Variants in SYT16 observed in about 807,000 individuals in gnomAD.
The protein encoded by SYT16 is synaptotagmin-16.
A neutral mutation model predicts 61.4 loss-of-function variants in SYT16; 42 were observed. The ratio of observed to expected loss-of-function variants is 0.68; its 90% confidence interval spans 0.53 to 0.89. SYT16 has a LOEUF of 0.89. SYT16 is among the 40% of genes least tolerant of loss of function. SYT16 has a pLI of 0.00. For synonymous variants in SYT16, 314 were observed against 302.3 expected (o/e 1.04, Z -0.40); for missense variants, 804 against 807.3 (o/e 1.00, Z 0.05).
intron 1 of SYT16, among the ~76,000 whole-genome samples, chr14:61,924,071 T>A (rs916309142): frequency 6.6e-6 from 1 of 152,182 alleles, no homozygotes; most frequent in Non-Finnish European, 1.5e-5. Context: ...ATGGAGACAC[T>A]GAAATTATTT....
intron 2 of SYT16, among the ~76,000 whole-genome samples, chr14:61,989,249 T>C (rs2052446294): frequency 6.6e-6 from 1 of 152,158 alleles, no homozygotes; most frequent in African/African-American, 2.4e-5. Flanking sequence ...GAATACCTGA[T>C]GTTGAGTGCC....
chr14:62,064,351 A>AAAG (rs1351026154), intron 3 of SYT16, among the ~76,000 whole-genome samples: 1 of 150,556 alleles, frequency 6.6e-6, no homozygotes, highest in African/African-American at 2.4e-5. Context: ...AAAAAAAAAA[A>AAAG]AAAAAAAGAA....
intron 6 of SYT16, among the ~76,000 whole-genome samples, chr14:62,082,317 C>T (rs1399513313): frequency 2.0e-5 from 3 of 152,154 alleles, no homozygotes; most frequent in Non-Finnish European, 4.4e-5. Context: ...TCAAAATTAA[C>T]GTCTTCAGGC....
chr14:61,875,846 G>A (rs1192433968), intron 1 of SYT16, among the ~76,000 whole-genome samples: 2 of 152,190 alleles, frequency 1.3e-5, no homozygotes, highest in African/African-American at 2.4e-5. Context: ...ACTGGGGTGC[G>A]TATGTCTGAT....
At position 61,995,865 on chromosome 14, in the gene SYT16, C is replaced by T. The variant is rs1446655198; in HGVS notation, c.-144-11C>T. 1 of 717,190 alleles carries T rather than the reference C, an allele frequency of 1.4e-6. No homozygotes were observed. Among genetic ancestry groups the T allele is most frequent in the Non-Finnish European group, 2.2e-6 (1 of 461,066 alleles). 44.4% of individuals were successfully genotyped at this position (717,190 alleles called of 1,614,324 possible). Reference sequence around the variant, plus strand: ...TTTAACAGGTGTAAGTATTTCTTTCCTCTGTTTCAGCTGGAAGTTTTGAGA... The same window carrying T: ...TTTAACAGGTGTAAGTATTTCTTTCTTCTGTTTCAGCTGGAAGTTTTGAGA... On this transcript the variant is annotated splice_polypyrimidine_tract_variant and intron_variant, in intron 2 of 7. Coordinates refer to ENST00000683842, the MANE Select transcript of SYT16 (RefSeq NM_001367656.1).
intron 1 of SYT16, among the ~76,000 whole-genome samples, chr14:61,891,135 A>G (rs1328974352): frequency 1.3e-5 from 2 of 152,000 alleles, no homozygotes; most frequent in Non-Finnish European, 2.9e-5. Context: ...TTGGCTCTAG[A>G]GAAAGCCAGA....
chr14:62,045,699 G>A lies in SYT16; in HGVS notation c.524-23904G>A, dbSNP rs534476447. Among the ~76,000 whole-genome samples, 15 of 152,006 alleles carry A rather than the reference G, an allele frequency of 9.9e-5. 1 individual carries two copies. Among genetic ancestry groups the A allele is most frequent in the South Asian group, 4.1e-4 (2 of 4,824 alleles). The stretch of plus-strand genomic sequence containing the variant: ...TTCCCACCTATGAGTGAGAACATGC[G>A]GTGTTTGGTTTTTTGTCCTTGCAAT... On this transcript the variant is annotated intron_variant, in intron 3 of 7. Transcript: ENST00000683842.
chr14:61,959,922 C>T (rs932289771), intron 1 of SYT16, among the ~76,000 whole-genome samples: 1 of 151,954 alleles, frequency 6.6e-6, no homozygotes, highest in African/African-American at 2.4e-5. Context: ...CCTTGACCTC[C>T]TAGGCTCAAG....
chr14:62,049,357 A>G (rs1328617027), intron 3 of SYT16, among the ~76,000 whole-genome samples: 1 of 151,750 alleles, frequency 6.6e-6, no homozygotes, highest in Admixed American at 6.6e-5. Flanking sequence ...CTTTATTTTG[A>G]GCATATATGT....
At chr14:61,939,095 A>G (rs974017229) in intron 1 of SYT16, among the ~76,000 whole-genome samples, 23 of 152,230 alleles carry the variant, frequency 1.5e-4, no homozygotes, top group Admixed American at 5.2e-4. Context: ...AGATCGTGCC[A>G]CTGCACTCCA....
chr14:62,056,964 G>A (rs1194295759), intron 3 of SYT16, among the ~76,000 whole-genome samples: 3 of 152,170 alleles, frequency 2.0e-5, no homozygotes, highest in Non-Finnish European at 4.4e-5. Context: ...AGGCATGAAA[G>A]TCAGACGTGT....
At chr14:61,864,477 C>A (rs544729689) in intron 1 of SYT16, among the ~76,000 whole-genome samples, 1 of 152,398 alleles carries the variant, frequency 6.6e-6, no homozygotes, top group South Asian at 2.1e-4. Flanking sequence ...TCCACTGGCG[C>A]AGTACTTGGC....
At chr14:61,957,563 A>C (rs929147609) in intron 1 of SYT16, among the ~76,000 whole-genome samples, 5 of 152,000 alleles carry the variant, frequency 3.3e-5, no homozygotes, top group Non-Finnish European at 5.9e-5. Flanking sequence ...TGAGATGATT[A>C]TGTGATTTTT....
At chr14:62,003,598 T>C (rs2053108309) in intron 3 of SYT16, among the ~76,000 whole-genome samples, 1 of 151,918 alleles carries the variant, frequency 6.6e-6, no homozygotes, top group Non-Finnish European at 1.5e-5. Context: ...GTTTAAAGAG[T>C]GGGAGCATTA....
chr14:61,855,953 T>A (rs2046761363), intron 1 of SYT16, among the ~76,000 whole-genome samples: 1 of 152,242 alleles, frequency 6.6e-6, no homozygotes, highest in Non-Finnish European at 1.5e-5. Flanking sequence ...CATGTGAATT[T>A]TATATCTTCC....
intron 1 of SYT16, among the ~76,000 whole-genome samples, chr14:61,911,444 TG>T (rs2048930993): frequency 6.6e-6 from 1 of 152,214 alleles, no homozygotes; most frequent in Admixed American, 6.5e-5. Flanking sequence ...GAAAAGCAGG[TG>T]CTGTCCCAAG....
intron 1 of SYT16, among the ~76,000 whole-genome samples, chr14:61,943,274 C>T (rs997640955): frequency 5.3e-5 from 8 of 152,250 alleles, no homozygotes; most frequent in Admixed American, 1.3e-4. Flanking sequence ...CAAGACCAGA[C>T]GGATTCACAG....
chr14:62,087,383 G>A (rs375310765), intron 7 of SYT16, among the ~76,000 whole-genome samples: 11 of 152,328 alleles, frequency 7.2e-5, no homozygotes, highest in Middle Eastern at 3.4e-3. Context: ...GGTCGCCGCC[G>A]GCCAGGGGAA....
intron 1 of SYT16, among the ~76,000 whole-genome samples, chr14:61,914,928 T>G (rs2049063335): frequency 6.6e-6 from 1 of 152,154 alleles, no homozygotes; most frequent in African/African-American, 2.4e-5. Context: ...TAGAATCAGA[T>G]CCAAACTCTT....
Sources: gnomAD v4.1 joint callset for allele counts (sites outside exome capture counted in the v4.1 genomes callset) on GRCh38, gnomAD v4.1.1 for gene constraint, MANE v1.5 for transcripts, NCBI Gene and HGNC (gene_info 2026-07-23, HGNC 2026-07-21) for gene names.